Variants in CRY1 observed in about 807,000 individuals in gnomAD.
The protein encoded by CRY1 is cryptochrome-1.
Under a neutral mutation model 76.0 loss-of-function variants are expected in CRY1, and 45 were observed. That is an observed-to-expected ratio of 0.59 (90% CI 0.47 to 0.76). The LOEUF (loss-of-function observed/expected upper bound fraction) is 0.76. Ranked by LOEUF, CRY1 falls within the 30% of genes least tolerant of loss-of-function variation. The pLI is 0.00. For missense variants in CRY1, 587 were observed against 716.4 expected (o/e 0.82, Z 2.06); for synonymous variants, 248 against 244.0 (o/e 1.02, Z -0.15).
chr12:107,005,127 T>C lies in CRY1; in HGVS notation c.389A>G (p.His130Arg), dbSNP rs146148805. The change falls in exon 3 of 13, where the codon CAT (histidine) becomes CGT (arginine). Residue 130 changes from histidine to arginine, a missense_variant. Physicochemically the swap from His to Arg is conservative, Grantham distance 29. Coordinates refer to ENST00000008527, the MANE Select transcript of CRY1 (RefSeq NM_004075.5). Reference protein sequence around the residue: ...AGVEVIVRISHTLYDLDKIIE... With the variant: ...AGVEVIVRISRTLYDLDKIIE... ...TCACTTGTCTAGGTCATATAATGTATGTGAAATTCTTACAATGACTTCTAC... is the reference window on the plus strand; with the variant it reads ...TCACTTGTCTAGGTCATATAATGTACGTGAAATTCTTACAATGACTTCTAC... The C allele has an allele frequency of 1.9e-6, 3 of 1,612,946 alleles. No homozygotes were observed. Among genetic ancestry groups the C allele is most frequent in the African/African-American group, 2.7e-5 (2 of 74,798 alleles).
intron 1 of CRY1, among the ~76,000 whole-genome samples, chr12:107,027,898 T>C (rs1952633461): frequency 6.6e-6 from 1 of 152,170 alleles, no homozygotes; most frequent in Non-Finnish European, 1.5e-5. Flanking sequence ...CATAATCCTA[T>C]TGCTGCTGAA....
At chr12:107,032,277 G>A (rs1196628239) in intron 1 of CRY1, among the ~76,000 whole-genome samples, 1 of 152,136 alleles carries the variant, frequency 6.6e-6, no homozygotes, top group African/African-American at 2.4e-5. Context: ...CATGGAAATG[G>A]AAATGTTAAT....
intron 9 of CRY1, 25 bp from the exon 10 acceptor site, chr12:106,997,411 T>C: frequency 6.2e-7 from 1 of 1,612,188 alleles, no homozygotes; most frequent in Middle Eastern, 1.7e-4. Flanking sequence ...AATTTTCTTT[T>C]AAATTATGAT....
chr12:107,080,500 G>C (rs910409479), intron 1 of CRY1, among the ~76,000 whole-genome samples: 1 of 152,012 alleles, frequency 6.6e-6, no homozygotes, highest in African/African-American at 2.4e-5. Context: ...AGAGGGTGGA[G>C]ATCACAGACC....
chr12:107,033,662 A>G (rs1343708630), intron 1 of CRY1, among the ~76,000 whole-genome samples: 1 of 152,116 alleles, frequency 6.6e-6, no homozygotes, highest in Non-Finnish European at 1.5e-5. Context: ...CGAGATGTAT[A>G]AAGAGTAGCA....
chr12:107,004,177 T>A (rs1175406934), intron 3 of CRY1, among the ~76,000 whole-genome samples: 1 of 152,134 alleles, frequency 6.6e-6, no homozygotes, highest in Non-Finnish European at 1.5e-5. Context: ...GCCCCCTCCT[T>A]GCTATGAGCT....
At chr12:107,001,046 G>C (rs768245021) in intron 5 of CRY1, among the ~76,000 whole-genome samples, 13 of 152,114 alleles carry the variant, frequency 8.5e-5, no homozygotes, top group Non-Finnish European at 1.9e-4. Flanking sequence ...AGAAAGAACA[G>C]AAGAGGTAGT....
At position 107,009,782 on chromosome 12, in the gene CRY1, G is replaced by A. The variant is rs893885712; in HGVS notation, c.268-4534C>T. Among the ~76,000 whole-genome samples the A allele has an allele frequency of 2.6e-5, 4 of 151,358 alleles. No individual in the cohort carries two copies. In the South Asian group the frequency reaches 8.4e-4, roughly 32 times the overall value. On this transcript the variant is annotated intron_variant, in intron 2 of 12. Coordinates refer to ENST00000008527, the MANE Select transcript of CRY1 (RefSeq NM_004075.5). ...AAACTTTTTTTAAATAAAAAATATT[G>A]CTAGATTCAATTTAGTGATTTCTGA... is the stretch of plus-strand genomic sequence containing the variant.
Position 106,998,019 on chromosome 12 carries a change from T to C in CRY1, c.1185A>G (p.Gly395=). The C allele has an allele frequency of 6.2e-7, 1 of 1,614,124 alleles. No homozygotes were observed. Among genetic ancestry groups the C allele is most frequent in the African/African-American group, 1.3e-5 (1 of 75,052 alleles). ...AACTACAAGACAGCCACATCCAACT[T>C]CCAGCATTTATGCTCCAATCTGCAT... ...LLDADWSINA[G]SWMWLSCSSF... The change falls in exon 8 of 13, where the codon GGA becomes GGG. Residue 395 remains glycine (G), a synonymous_variant. Transcript: ENST00000008527.
At chr12:107,032,027 C>CGGAG (rs1952682032) in intron 1 of CRY1, among the ~76,000 whole-genome samples, 1 of 152,182 alleles carries the variant, frequency 6.6e-6, no homozygotes, top group Non-Finnish European at 1.5e-5. Flanking sequence ...CTCCACCTCC[C>CGGAG]GGGTTCAAGC....
Position 107,001,961 on chromosome 12 carries a change from T to G in CRY1, c.411-13A>C, listed in dbSNP as rs1166209079. On this transcript the variant is annotated splice_polypyrimidine_tract_variant and intron_variant, in intron 3 of 12. Transcript: ENST00000008527. ...GAGTTCTATGATCCTATAACAAGAGTTAGTAAAATGTAGTTAGTATTAAAA... is the reference window on the plus strand; with the variant it reads ...GAGTTCTATGATCCTATAACAAGAGGTAGTAAAATGTAGTTAGTATTAAAA... 1.3e-6 allele frequency: 2 copies of G among 1,557,304 alleles called. No individual in the cohort carries two copies. Among genetic ancestry groups the G allele is most frequent in the Non-Finnish European group, 1.7e-6 (2 of 1,161,974 alleles).
intron 1 of CRY1, among the ~76,000 whole-genome samples, chr12:107,037,385 A>G (rs1419284095): frequency 6.6e-6 from 1 of 152,168 alleles, no homozygotes; most frequent in Non-Finnish European, 1.5e-5. Flanking sequence ...TACAAAAATT[A>G]GCCAGGCGTG....
rs747238109 is a variant in CRY1, at chr12:107,001,966, A to G, written c.411-18T>C. 1.3e-6 allele frequency: 2 copies of G among 1,553,112 alleles called. No homozygotes were observed. Among genetic ancestry groups the G allele is most frequent in the Non-Finnish European group, 1.7e-6 (2 of 1,159,334 alleles). Reference sequence around the variant, plus strand: ...CTATGATCCTATAACAAGAGTTAGTAAAATGTAGTTAGTATTAAAAAAGAC... The same window carrying G: ...CTATGATCCTATAACAAGAGTTAGTGAAATGTAGTTAGTATTAAAAAAGAC... On this transcript the variant is annotated intron_variant, in intron 3 of 12. Coordinates refer to ENST00000008527, the MANE Select transcript of CRY1 (RefSeq NM_004075.5).
chr12:107,089,092 C>A (rs898168882), intron 1 of CRY1, among the ~76,000 whole-genome samples: 2 of 152,272 alleles, frequency 1.3e-5, no homozygotes, highest in Admixed American at 1.3e-4. Context: ...CTTTTTATGG[C>A]CAAATAATAT....
At chr12:107,022,424 AAAGT>A (rs1261432481) in intron 1 of CRY1, among the ~76,000 whole-genome samples, 2 of 152,090 alleles carry the variant, frequency 1.3e-5, no homozygotes, top group Non-Finnish European at 2.9e-5. Context: ...TCATTAAATA[AAAGT>A]GACTATTAGC....
chr12:106,999,851 GTTC>G lies in CRY1; in HGVS notation c.834_836del (p.Lys278del). 6.2e-7 allele frequency: 1 copy of G among 1,609,868 alleles called. No homozygotes were observed. The highest frequency in any genetic ancestry group is 8.5e-7 in the Non-Finnish European group (1 of 1,178,478). On this transcript the variant is annotated inframe_deletion, in exon 7 of 13. Transcript: ENST00000008527. The stretch of plus-strand genomic sequence containing the variant: ...CATAAAGGGAAAGGGGAGGGGAACT[GTTC>G]TTCTTTACCTATGGTTAAAAAGCAA...
intron 1 of CRY1, among the ~76,000 whole-genome samples, chr12:107,038,435 A>G (rs767763096): frequency 6.6e-6 from 1 of 152,196 alleles, no homozygotes; most frequent in Non-Finnish European, 1.5e-5. Context: ...AGCAGTGGCA[A>G]AGGATAGATG....
chr12:107,033,980 T>C (rs977592354), intron 1 of CRY1, among the ~76,000 whole-genome samples: 5 of 151,484 alleles, frequency 3.3e-5, no homozygotes. Flanking sequence ...CCATCTTAAA[T>C]AGGGCCTTGG....
chr12:107,057,749 A>G (rs1953000322), intron 1 of CRY1, among the ~76,000 whole-genome samples: 1 of 151,776 alleles, frequency 6.6e-6, no homozygotes, highest in African/African-American at 2.4e-5. Flanking sequence ...TGAATAAATA[A>G]ATGAAAAAAT....
Sources: allele counts gnomAD v4.1 joint callset (sites outside exome capture counted in the v4.1 genomes callset), GRCh38; gene constraint gnomAD v4.1.1; transcripts MANE v1.5; gene names NCBI Gene and HGNC (gene_info 2026-07-23, HGNC 2026-07-21).